Variants in ELAVL2 observed in about 807,000 individuals in gnomAD.
ELAVL2 encodes the protein ELAV-like protein 2.
A neutral mutation model predicts 34.6 loss-of-function variants in ELAVL2; 4 were observed. That is an observed-to-expected ratio of 0.12 (90% CI 0.06 to 0.26). The LOEUF is 0.26. Ranked by LOEUF, ELAVL2 falls within the 10% of genes least tolerant of loss-of-function variation. The pLI is 1.00. For synonymous variants in ELAVL2, 193 were observed against 154.8 expected, an observed-to-expected ratio of 1.25 and a Z score of -1.83; for missense variants, 432 against 442.8, an observed-to-expected ratio of 0.98 and a Z score of 0.22.
At chr9:23,780,728 C>T (rs2058948281) in intron 1 of ELAVL2, among the ~76,000 whole-genome samples, 1 of 152,164 alleles carries the variant, frequency 6.6e-6, no homozygotes, top group African/African-American at 2.4e-5. Context: ...AACATCAGAA[C>T]CTAAGGCATC....
chr9:23,719,492 T>C (rs1440194073), intron 3 of ELAVL2, among the ~76,000 whole-genome samples: 1 of 152,216 alleles, frequency 6.6e-6, no homozygotes, highest in Non-Finnish European at 1.5e-5. Flanking sequence ...AAATCCTTGG[T>C]TTCTTATTAA....
chr9:23,800,846 A>AGCC (rs1226235399), intron 1 of ELAVL2, among the ~76,000 whole-genome samples: 1 of 152,182 alleles, frequency 6.6e-6, no homozygotes, highest in Non-Finnish European at 1.5e-5. Context: ...AAGGGCAATG[A>AGCC]GCCGCTTTTT....
intron 2 of ELAVL2, among the ~76,000 whole-genome samples, chr9:23,750,361 A>G (rs1341725936): frequency 6.7e-6 from 1 of 149,878 alleles, no homozygotes; most frequent in African/African-American, 2.4e-5. Flanking sequence ...GGTATTAACA[A>G]TTCTGTATTT....
At chr9:23,773,979 AG>A (rs1301544815) in intron 1 of ELAVL2, among the ~76,000 whole-genome samples, 1 of 152,008 alleles carries the variant, frequency 6.6e-6, no homozygotes, top group Non-Finnish European at 1.5e-5. Context: ...TGGGAGGCCG[AG>A]GCGGGCAGAT....
At chr9:23,730,512 TTGTAATACATAAACATCTTA>T (rs1167750236) in intron 3 of ELAVL2, among the ~76,000 whole-genome samples, 3 of 152,116 alleles carry the variant, frequency 2.0e-5, no homozygotes, top group Non-Finnish European at 4.4e-5. Flanking sequence ...AAAAGAATAT[TTGTAATACATAAACATCTTA>T]TCAATCTCAA....
chr9:23,727,029 A>C (rs1387113687), intron 3 of ELAVL2, among the ~76,000 whole-genome samples: 1 of 152,070 alleles, frequency 6.6e-6, no homozygotes, highest in Non-Finnish European at 1.5e-5. Flanking sequence ...CCATGCCTGA[A>C]CTGTACACAT....
the ELAVL2 span, among the ~76,000 whole-genome samples, chr9:23,842,517 A>G: frequency 2.6e-5 from 4 of 152,110 alleles, no homozygotes; most frequent in Non-Finnish European, 5.9e-5. Context: ...GATACTGGCC[A>G]GTCTTAGGAA....
intron 3 of ELAVL2, among the ~76,000 whole-genome samples, chr9:23,727,520 T>G (rs1399267696): frequency 6.6e-6 from 1 of 152,040 alleles, no homozygotes; most frequent in Admixed American, 6.6e-5. Context: ...AAATACCAAA[T>G]GTATAGAGAA....
intron 4 of ELAVL2, among the ~76,000 whole-genome samples, chr9:23,702,958 A>C (rs2037856336): frequency 2.5e-5 from 2 of 79,192 alleles, no homozygotes; most frequent in African/African-American, 1.9e-4. Context: ...TAGCAAAAAA[A>C]AAAAAAAAAA....
chr9:23,715,864 C>T (rs538071786), intron 3 of ELAVL2, among the ~76,000 whole-genome samples: 6 of 152,046 alleles, frequency 3.9e-5, no homozygotes, highest in African/African-American at 1.4e-4. Context: ...AAAAAACAAC[C>T]AGTACCGGTT....
chr9:23,751,410 TG>T (rs901671187), intron 2 of ELAVL2, among the ~76,000 whole-genome samples: 1 of 152,198 alleles, frequency 6.6e-6, no homozygotes, highest in African/African-American at 2.4e-5. Context: ...AAGTCTGTGA[TG>T]ACTGAATGAA....
At chr9:23,703,491 T>C (rs925984043) in intron 4 of ELAVL2, among the ~76,000 whole-genome samples, 2 of 152,138 alleles carry the variant, frequency 1.3e-5, no homozygotes, top group Non-Finnish European at 2.9e-5. Context: ...GACAGCAAAA[T>C]CTGTAGGCTA....
At chr9:23,804,478 A>G (rs1588669849) in intron 1 of ELAVL2, among the ~76,000 whole-genome samples, 2 of 152,312 alleles carry the variant, frequency 1.3e-5, no homozygotes, top group African/African-American at 4.8e-5. Flanking sequence ...CTCTTTATTT[A>G]CAGATACTAT....
chr9:23,821,107 G>T (rs1311915565), intron 1 of ELAVL2: 2 of 152,404 alleles, frequency 1.3e-5, no homozygotes, highest in East Asian at 3.9e-4. Context: ...ACCCCGGCGT[G>T]TTCCGCGGGA....
intron 2 of ELAVL2, among the ~76,000 whole-genome samples, chr9:23,737,514 C>G (rs150340861): frequency 2.0e-5 from 3 of 152,138 alleles, no homozygotes; most frequent in Non-Finnish European, 4.4e-5. Context: ...ATCTGTTCCA[C>G]AAATCGGTAA....
intron 4 of ELAVL2, 33 bp from the exon 5 acceptor site, chr9:23,701,637 A>G (rs755692474): frequency 6.2e-7 from 1 of 1,601,172 alleles, no homozygotes; most frequent in South Asian, 1.1e-5. Context: ...TTTGGAAAAG[A>G]GGGAACAGAA....
chr9:23,843,786 G>A, the ELAVL2 span, among the ~76,000 whole-genome samples: 3 of 150,914 alleles, frequency 2.0e-5, no homozygotes, highest in Non-Finnish European at 4.4e-5. Context: ...TTCTTTTTTG[G>A]TAGAGCACAG....
chr9:23,738,938 A>C (rs1238539592), intron 2 of ELAVL2, among the ~76,000 whole-genome samples: 2 of 152,152 alleles, frequency 1.3e-5, no homozygotes, highest in Admixed American at 6.5e-5. Context: ...ATCTGCTGGC[A>C]ATGCGGCATG....
In ELAVL2 at chr9:23,691,060, T is replaced by G. The variant is rs1051810186; in HGVS notation, c.*1497A>C. 2.0e-5 allele frequency: 3 copies of G among 152,530 alleles called. No individual in the cohort carries two copies. The highest frequency in any genetic ancestry group is 2.9e-5 in the Non-Finnish European group (2 of 67,986). 9.4% of individuals were successfully genotyped at this position (152,530 alleles called of 1,614,324 possible). On this transcript the variant is annotated 3_prime_UTR_variant, in exon 7 of 7. Coordinates refer to ENST00000397312, the MANE Select transcript of ELAVL2 (RefSeq NM_004432.5). Reference sequence around the variant, plus strand: ...ACAAACATATTTATAAACCAAAATGTAGCATCACCATAAACAGCTGAAGCT... The same window carrying G: ...ACAAACATATTTATAAACCAAAATGGAGCATCACCATAAACAGCTGAAGCT...
Sources: allele counts gnomAD v4.1 joint callset (sites outside exome capture counted in the v4.1 genomes callset), GRCh38; gene constraint gnomAD v4.1.1; transcripts MANE v1.5; gene names NCBI Gene and HGNC (gene_info 2026-07-23, HGNC 2026-07-21).